Variants in LRP1B observed in about 807,000 individuals in gnomAD.
LRP1B encodes the protein LDL receptor related protein 1B, also known as low-density lipoprotein receptor-related protein 1B.
In LRP1B, 217 loss-of-function variants were observed where a neutral mutation model predicts 556.6. The observed-to-expected ratio is 0.39, with a 90% CI of 0.35 to 0.44. The LOEUF (loss-of-function observed/expected upper bound fraction) is 0.44. LRP1B is among the 20% of genes least tolerant of loss of function. LRP1B has a pLI of 1.00. For missense variants in LRP1B, 5,053 were observed against 5,620.8 expected, an observed-to-expected ratio of 0.90 and a Z score of 3.23; for synonymous variants, 2,047 against 1,865.8, an observed-to-expected ratio of 1.10 and a Z score of -2.50.
chr2:141,208,711 T>C (rs1573653593), intron 6 of LRP1B, among the ~76,000 whole-genome samples: 1 of 150,590 alleles, frequency 6.6e-6, no homozygotes, highest in African/African-American at 2.4e-5. Context: ...ATTAAAAAAA[T>C]ACAAAAAATT....
chr2:140,641,615 G>C (rs1416422236), intron 41 of LRP1B, among the ~76,000 whole-genome samples: 1 of 152,158 alleles, frequency 6.6e-6, no homozygotes, highest in Non-Finnish European at 1.5e-5. Context: ...GTTATGCTCT[G>C]TGAGGGAAGG....
rs765623693 is a variant in LRP1B at position 141,254,692 on chromosome 2, A to C, written c.344-51T>G. Reference sequence around the variant, plus strand: ...TCTATATTTAACTGTATATGTAAATAGTTTGTATTTCTCAGTGTACAATCC... The same window carrying C: ...TCTATATTTAACTGTATATGTAAATCGTTTGTATTTCTCAGTGTACAATCC... On this transcript the variant is annotated intron_variant, in intron 3 of 90. Coordinates refer to ENST00000389484, the MANE Select transcript of LRP1B (RefSeq NM_018557.3). 3.5e-6 allele frequency: 5 copies of C among 1,410,098 alleles called. No homozygotes were observed. The Admixed American group carries it at 9.8e-5, about 28-fold the overall frequency. 87.3% of individuals were successfully genotyped at this position (1,410,098 alleles called of 1,614,324 possible). A position where few individuals can be genotyped will look rare whatever the true frequency, so the allele number is the denominator to read the frequency against.
chr2:140,437,946 G>A (rs1423756620), intron 66 of LRP1B, among the ~76,000 whole-genome samples: 1 of 152,036 alleles, frequency 6.6e-6, no homozygotes, highest in Non-Finnish European at 1.5e-5. Context: ...TATATAACAT[G>A]ATACTTGTTA....
intron 7 of LRP1B, among the ~76,000 whole-genome samples, chr2:141,108,330 G>GTTTCTTTATTT (rs1558865765): frequency 9.0e-5 from 6 of 66,598 alleles, no homozygotes; most frequent in South Asian, 5.0e-4. Flanking sequence ...TTTATAATCT[G>GTTTCTTTATTT]TTTCTTTTTT....
chr2:140,394,086 G>A (rs2105215538), intron 66 of LRP1B, among the ~76,000 whole-genome samples: 1 of 145,192 alleles, frequency 6.9e-6, no homozygotes, highest in Admixed American at 6.9e-5. Flanking sequence ...CATATTCTCT[G>A]TCTCCTTTTC....
intron 7 of LRP1B, among the ~76,000 whole-genome samples, chr2:141,083,008 C>T (rs1699963285): frequency 6.6e-6 from 1 of 152,116 alleles, no homozygotes; most frequent in Non-Finnish European, 1.5e-5. Flanking sequence ...AAATATATGC[C>T]CTATGCATTA....
At chr2:140,599,035 A>T (rs935997554) in intron 42 of LRP1B, among the ~76,000 whole-genome samples, 200 bp from the exon 43 acceptor site, 1 of 152,088 alleles carries the variant, frequency 6.6e-6, no homozygotes, top group Admixed American at 6.6e-5. Context: ...CTTAAATGAA[A>T]CCTAGAACCT....
chr2:141,810,063 A>C (rs529860945), intron 2 of LRP1B, among the ~76,000 whole-genome samples: 45 of 151,328 alleles, frequency 3.0e-4, no homozygotes, highest in Non-Finnish European at 4.4e-5. Flanking sequence ...AAACACAAAC[A>C]AAAGGTTTCA....
At chr2:141,037,246 G>A (rs1279453658) in intron 11 of LRP1B, among the ~76,000 whole-genome samples, 1 of 151,948 alleles carries the variant, frequency 6.6e-6, no homozygotes, top group East Asian at 1.9e-4. Flanking sequence ...CTCCGTAAAG[G>A]TAATTATAAC....
At chr2:141,077,726 C>A (rs1255685671) in intron 7 of LRP1B, among the ~76,000 whole-genome samples, 2 of 152,170 alleles carry the variant, frequency 1.3e-5, no homozygotes, top group African/African-American at 4.8e-5. Context: ...GCCTTCCCTT[C>A]CGGATTGCCT....
chr2:141,849,811 T>A (rs1331424362), intron 1 of LRP1B, among the ~76,000 whole-genome samples: 1 of 151,660 alleles, frequency 6.6e-6, no homozygotes, highest in Non-Finnish European at 1.5e-5. Context: ...TATAATTAGA[T>A]CTTAATATTT....
chr2:142,034,924 A>G (rs1402797101), intron 1 of LRP1B, among the ~76,000 whole-genome samples: 1 of 151,750 alleles, frequency 6.6e-6, no homozygotes, highest in Non-Finnish European at 1.5e-5. Flanking sequence ...AAGTTATAAA[A>G]CTATAAAAAT....
intron 3 of LRP1B, among the ~76,000 whole-genome samples, chr2:141,303,253 T>C (rs968537728): frequency 6.6e-6 from 1 of 152,142 alleles, no homozygotes; most frequent in African/African-American, 2.4e-5. Flanking sequence ...ATCCATCACC[T>C]TGAGTACCTA....
At chr2:141,226,938 C>T (rs1683272370) in intron 6 of LRP1B, among the ~76,000 whole-genome samples, 1 of 152,088 alleles carries the variant, frequency 6.6e-6, no homozygotes, top group African/African-American at 2.4e-5. Context: ...TAAACCTAAC[C>T]TCATCACAAA....
At chr2:141,201,639 T>C (rs1356874588) in intron 6 of LRP1B, among the ~76,000 whole-genome samples, 1 of 152,140 alleles carries the variant, frequency 6.6e-6, no homozygotes. Flanking sequence ...ATAACATTAT[T>C]GTACTTTTTT....
At position 140,869,131 on chromosome 2, in the gene LRP1B, C is replaced by T. The variant is rs536281434; in HGVS notation, c.4170-868G>A. On this transcript the variant is annotated intron_variant, in intron 25 of 90. Coordinates refer to ENST00000389484, the MANE Select transcript of LRP1B (RefSeq NM_018557.3). Reference sequence around the variant, plus strand: ...ACCCATAAACCAATCAGCAAGAATTCCCCCATTTGAAGCCCATAAAAACCC... The same window carrying T: ...ACCCATAAACCAATCAGCAAGAATTTCCCCATTTGAAGCCCATAAAAACCC... 1.8e-4 allele frequency among the ~76,000 whole-genome samples: 28 copies of T among 152,210 alleles called. 1 individual carries two copies. The highest frequency in any genetic ancestry group is 6.8e-3 in the Middle Eastern group (2 of 294).
rs2105426603 is a variant in LRP1B, at chr2:140,701,841, G to A, written c.6307C>T (p.His2103Tyr). 6.2e-7 allele frequency: 1 copy of A among 1,612,826 alleles called. No homozygotes were observed. Among genetic ancestry groups the A allele is most frequent in the South Asian group, 1.1e-5 (1 of 91,004 alleles). The change falls in exon 40 of 91, where the codon CAT becomes TAT. Residue 2103 changes from histidine to tyrosine, a missense_variant. His to Tyr is a moderately conservative substitution (Grantham distance 83). This residue lies in a region of LRP1B where 3,619 missense variants were observed against 3,931.9 expected (regional missense o/e 0.92). Transcript: ENST00000389484. ...CCCCTTCTGACAGACCCGTTTGCATGTGCTCTGCCAAAAAGTTGAACATAC... is the reference window on the plus strand; with the variant it reads ...CCCCTTCTGACAGACCCGTTTGCATATGCTCTGCCAAAAAGTTGAACATAC... ...GAYIYWSDRA[H>Y]ANGSVRRGHK...
intron 41 of LRP1B, among the ~76,000 whole-genome samples, chr2:140,680,532 C>A (rs960486500): frequency 6.6e-6 from 1 of 152,134 alleles, no homozygotes; most frequent in African/African-American, 2.4e-5. Flanking sequence ...CCCCTTGGAC[C>A]TGTTTATCTG....
intron 2 of LRP1B, among the ~76,000 whole-genome samples, chr2:141,551,601 T>C (rs1295775942): frequency 6.6e-6 from 1 of 152,086 alleles, no homozygotes; most frequent in East Asian, 1.9e-4. Flanking sequence ...ATTACCTTCC[T>C]TGGAATATAT....
Sources: gnomAD v4.1 joint callset for allele counts (sites outside exome capture counted in the v4.1 genomes callset) on GRCh38, gnomAD v4.1.1 for gene constraint, gnomAD v4.1.1 regional missense constraint, MANE v1.5 for transcripts, NCBI Gene and HGNC (gene_info 2026-07-23, HGNC 2026-07-21) for gene names.